Variants in DMD observed in about 807,000 individuals in gnomAD.
The protein encoded by DMD is dystrophin, also known as mutant dystrophin.
DMD carries 63 observed loss-of-function variants against 330.1 expected under a neutral mutation model. That is an observed-to-expected ratio of 0.19 (90% CI 0.16 to 0.24). The LOEUF (loss-of-function observed/expected upper bound fraction) is 0.24. Ranked by LOEUF, DMD falls within the 10% of genes least tolerant of loss-of-function variation. The probability of loss-of-function intolerance (pLI) is 1.00; values close to 1 mark genes in which losing one functional copy is unlikely to be tolerated. For synonymous variants in DMD, 1,223 were observed against 959.8 expected (o/e 1.27, Z -5.07); for missense variants, 3,344 against 2,684.1 (o/e 1.25, Z -5.43).
At chrX:31,749,186 A>C (rs1294666797) in intron 51 of DMD, among the ~76,000 whole-genome samples, 11 of 109,026 alleles carry the variant, frequency 1.0e-4, no homozygotes, top group African/African-American at 3.3e-4. Context: ...GTACATGTGC[A>C]CAATGTGCAG....
chrX:32,363,263 C>A (rs1043993595), intron 36 of DMD, among the ~76,000 whole-genome samples: 5 of 111,454 alleles, frequency 4.5e-5, no homozygotes, highest in Non-Finnish European at 7.5e-5. Context: ...GGATGTTTTC[C>A]CAACTATGTT....
chrX:33,267,767 C>A (rs1359117975), intron 1 of DMD, among the ~76,000 whole-genome samples: 2 of 110,601 alleles, frequency 1.8e-5, no homozygotes, highest in African/African-American at 3.3e-5. Context: ...CTTCAACCAG[C>A]CTTCGACAAG....
At chrX:31,428,179 G>A (rs779088281) in intron 60 of DMD, among the ~76,000 whole-genome samples, 10 of 111,792 alleles carry the variant, frequency 8.9e-5, no homozygotes, top group East Asian at 8.5e-4. Context: ...TGTGGGGCCC[G>A]GTGGGGGAGA....
chrX:33,086,954 C>T (rs1024663384), intron 1 of DMD, among the ~76,000 whole-genome samples: 2 of 110,932 alleles, frequency 1.8e-5, no homozygotes, highest in Non-Finnish European at 1.9e-5. Flanking sequence ...TAGAATGCAG[C>T]ACTTTATCCT....
At chrX:31,997,847 T>A (rs1255409286) in intron 44 of DMD, among the ~76,000 whole-genome samples, 1 of 111,808 alleles carries the variant, frequency 8.9e-6, no homozygotes, top group Non-Finnish European at 1.9e-5. Flanking sequence ...TAAGTGATAA[T>A]CCCTAAAAAG....
At chrX:31,379,060 C>T (rs73212340) in intron 60 of DMD, among the ~76,000 whole-genome samples, 31,410 of 109,259 alleles carry the variant, frequency 0.29, 4,012 homozygotes, top group Non-Finnish European at 0.4. Context: ...TCTCTGTTCC[C>T]AATGCAACTC....
At position 32,338,094 on chromosome X, in the gene DMD, G is replaced by C. The variant is rs753526645; in HGVS notation, c.5922+4006C>G. ...CATGTTTTACCTGGTATTTGAAAAT[G>C]TGCCTAGCATTTTGAAGATATTATT... On this transcript the variant is annotated intron_variant, in intron 41 of 78. Coordinates refer to ENST00000357033, the MANE Select transcript of DMD (RefSeq NM_004006.3). Among the ~76,000 whole-genome samples, 3 of 111,412 alleles carry C rather than the reference G, an allele frequency of 2.7e-5. No individual in the cohort carries two copies. In the East Asian group the frequency reaches 8.4e-4, roughly 31 times the overall value.
At chrX:32,812,937 G>A (rs2077477085) in intron 6 of DMD, among the ~76,000 whole-genome samples, 1 of 111,509 alleles carries the variant, frequency 9.0e-6, no homozygotes, top group African/African-American at 3.3e-5. Context: ...AAAGGACATA[G>A]GTGGGAACAT....
At chrX:33,221,137 G>C (rs1450887566) in intron 1 of DMD, among the ~76,000 whole-genome samples, 1 of 111,503 alleles carries the variant, frequency 9.0e-6, no homozygotes, top group Non-Finnish European at 1.9e-5. Flanking sequence ...TAAAACAATG[G>C]AACTGGGCCG....
rs186943365 is a variant in DMD at position 32,024,365 on chromosome X, A to T, written c.6439-55851T>A. 2.8e-4 allele frequency among the ~76,000 whole-genome samples: 31 copies of T among 108,903 alleles called. No individual in the cohort carries two copies. In the East Asian group the frequency reaches 7.7e-3, roughly 27 times the overall value. 94.6% of individuals were successfully genotyped at this position (108,903 alleles called of 115,157 possible). A position where few individuals can be genotyped will look rare whatever the true frequency, so the allele number is the denominator to read the frequency against. ...CCAGGCATGGTGGTGGGCACCTATT[A>T]TCCCAGGTACTTCGGAGGCTGAGGC... is the stretch of plus-strand genomic sequence containing the variant. On this transcript the variant is annotated intron_variant, in intron 44 of 78. Coordinates refer to ENST00000357033, the MANE Select transcript of DMD (RefSeq NM_004006.3).
At chrX:32,721,892 C>T (rs760078575) in intron 7 of DMD, among the ~76,000 whole-genome samples, 1 of 108,501 alleles carries the variant, frequency 9.2e-6, no homozygotes, top group African/African-American at 3.4e-5. Flanking sequence ...GTACAATTTA[C>T]AACACCATTT....
intron 2 of DMD, among the ~76,000 whole-genome samples, chrX:33,000,052 G>A (rs2093239188): frequency 8.9e-6 from 1 of 112,237 alleles, no homozygotes; most frequent in Admixed American, 9.4e-5. Flanking sequence ...CAGGGATCAT[G>A]TAACGAATTC....
intron 54 of DMD, among the ~76,000 whole-genome samples, chrX:31,633,695 T>C (rs2079249827): frequency 8.9e-6 from 1 of 112,247 alleles, no homozygotes; most frequent in South Asian, 3.7e-4. Flanking sequence ...ATCTTAAACA[T>C]GTTTTACTCT....
intron 51 of DMD, among the ~76,000 whole-genome samples, chrX:31,733,359 CTA>C (rs1342769594): frequency 1.8e-5 from 2 of 111,095 alleles, no homozygotes; most frequent in Non-Finnish European, 3.8e-5. Context: ...AATAAAAACT[CTA>C]TATGTTGAGT....
At chrX:33,198,374 A>G (rs1331926641) in intron 1 of DMD, among the ~76,000 whole-genome samples, 3 of 111,215 alleles carry the variant, frequency 2.7e-5, no homozygotes, top group Non-Finnish European at 5.7e-5. Context: ...GAAAAAGGAC[A>G]TGGGTTAAAA....
chrX:31,695,485 G>A (rs1424861313), intron 52 of DMD, among the ~76,000 whole-genome samples: 1 of 110,263 alleles, frequency 9.1e-6, no homozygotes, highest in African/African-American at 3.3e-5. Flanking sequence ...CATTCTCCAT[G>A]ATGTGCTTGT....
chrX:33,146,238 A>T (rs1183352542), intron 1 of DMD, among the ~76,000 whole-genome samples: 1 of 110,162 alleles, frequency 9.1e-6, no homozygotes, highest in Non-Finnish European at 1.9e-5. Flanking sequence ...TCAGCCCAAA[A>T]AAGAAACCCC....
chrX:32,770,976 T>C (rs1264640528), intron 7 of DMD, among the ~76,000 whole-genome samples: 3 of 111,438 alleles, frequency 2.7e-5, no homozygotes, highest in Non-Finnish European at 5.7e-5. Context: ...AAATAAGCAG[T>C]TGAATCCTGT....
chrX:32,146,606 G>A (rs1426094162), intron 44 of DMD, among the ~76,000 whole-genome samples: 1 of 112,041 alleles, frequency 8.9e-6, no homozygotes, highest in African/African-American at 3.3e-5. Context: ...CACATACTAA[G>A]AGCTCAGCAA....
Sources: gnomAD v4.1 joint callset for allele counts (sites outside exome capture counted in the v4.1 genomes callset) on GRCh38, gnomAD v4.1.1 for gene constraint, MANE v1.5 for transcripts, NCBI Gene and HGNC (gene_info 2026-07-23, HGNC 2026-07-21) for gene names.